The following ZFHX3 variants were observed in gnomAD, a reference collection of about 807,000 sequenced individuals.
ZFHX3 encodes zinc finger homeobox protein 3.
Under a neutral mutation model 279.1 loss-of-function variants are expected in ZFHX3, and 42 were observed. That is an observed-to-expected ratio of 0.15 (90% CI 0.12 to 0.19). The LOEUF (loss-of-function observed/expected upper bound fraction) is 0.19, where lower values mean the gene tolerates loss of function less well. ZFHX3 is among the 10% of genes least tolerant of loss of function. ZFHX3 has a pLI of 1.00. For missense variants in ZFHX3, 4,981 were observed against 4,754.0 expected, an observed-to-expected ratio of 1.05 and a Z score of -1.40; for synonymous variants, 2,293 against 1,957.8, an observed-to-expected ratio of 1.17 and a Z score of -4.52.
chr16:73,076,928 T>C (rs1965892032), intron 8 of ZFHX3, among the ~76,000 whole-genome samples: 1 of 152,120 alleles, frequency 6.6e-6, no homozygotes, highest in Non-Finnish European at 1.5e-5. Flanking sequence ...CTTCCAACCA[T>C]ATCTGAATAA....
intron 2 of ZFHX3, among the ~76,000 whole-genome samples, chr16:73,673,406 TCA>T (rs563599500): frequency 4.8e-4 from 73 of 152,222 alleles, no homozygotes; most frequent in African/African-American, 1.7e-3. Flanking sequence ...AATCATAAAA[TCA>T]CACACAGAGA....
At chr16:72,898,118 G>A (rs2038943486) in intron 3 of ZFHX3, among the ~76,000 whole-genome samples, 1 of 152,150 alleles carries the variant, frequency 6.6e-6, no homozygotes, top group African/African-American at 2.4e-5. Flanking sequence ...ACTCCTGGAA[G>A]GTCAACCTAA....
chr16:73,742,370 T>C (rs112756300), intron 1 of ZFHX3, among the ~76,000 whole-genome samples: 4,488 of 152,270 alleles, frequency 0.029, 235 homozygotes, highest in African/African-American at 0.1. Context: ...TATTAATAGA[T>C]TGGCTATTGT....
intron 2 of ZFHX3, among the ~76,000 whole-genome samples, chr16:73,481,080 C>T (rs1201014936): frequency 1.3e-5 from 2 of 152,054 alleles, no homozygotes; most frequent in African/African-American, 2.4e-5. Context: ...CCTGTAATCC[C>T]AGAACTTTGA....
rs191400330 is a variant in ZFHX3 at position 73,526,523 on chromosome 16, G to A, written c.-1546-70265C>T. Among the ~76,000 whole-genome samples, 27 of 152,218 alleles carry A rather than the reference G, an allele frequency of 1.8e-4. No homozygotes were observed. In the East Asian group the frequency reaches 2.5e-3, roughly 14 times the overall value. Reference sequence around the variant, plus strand: ...AAATACAAAACATAAACCAGGCCTCGTTTCATATTCAAAATGACCCAGGCC... The same window carrying A: ...AAATACAAAACATAAACCAGGCCTCATTTCATATTCAAAATGACCCAGGCC... On this transcript the variant is annotated intron_variant, in intron 2 of 17. Coordinates refer to the ZFHX3 transcript ENST00000641206.
intron 4 of ZFHX3, among the ~76,000 whole-genome samples, chr16:73,305,547 A>G (rs1205276984): frequency 6.6e-6 from 1 of 151,920 alleles, no homozygotes; most frequent in Non-Finnish European, 1.5e-5. Context: ...ACTAACTCAC[A>G]TGTCTTTGCT....
intron 5 of ZFHX3, among the ~76,000 whole-genome samples, chr16:73,246,000 T>C (rs2013269648): frequency 6.6e-6 from 1 of 152,090 alleles, no homozygotes; most frequent in Admixed American, 6.6e-5. Context: ...ACAGAGATTA[T>C]TCCACAGGAC....
Position 73,427,812 on chromosome 16 carries a change from G to A in ZFHX3, c.-1291+28191C>T, listed in dbSNP as rs548462458. On this transcript the variant is annotated intron_variant, in intron 3 of 17. Coordinates refer to the ZFHX3 transcript ENST00000641206. ...ACAAAAATTAGCTGGGCGTGGTGGCGCACGCCTGGAGTCCCAGCTACTCGG... is the reference window on the plus strand; with the variant it reads ...ACAAAAATTAGCTGGGCGTGGTGGCACACGCCTGGAGTCCCAGCTACTCGG... Among the ~76,000 whole-genome samples, 29 of 152,044 alleles carry A rather than the reference G, an allele frequency of 1.9e-4. No individual in the cohort carries two copies. In the South Asian group the frequency reaches 3.3e-3, roughly 17 times the overall value.
chr16:73,257,063 G>T (rs1281035582), exon 5 of ZFHX3: 2 of 152,162 alleles, frequency 1.3e-5, no homozygotes, highest in African/African-American at 4.8e-5. Context: ...CAAATCGAGG[G>T]TGAAGATGAA....
chr16:73,681,080 G>A (rs1439927304), intron 1 of ZFHX3, among the ~76,000 whole-genome samples: 1 of 152,228 alleles, frequency 6.6e-6, no homozygotes, highest in Non-Finnish European at 1.5e-5. Context: ...GTCTGGTCTT[G>A]TGGGAGAGAA....
chr16:72,947,322 C>T (rs1049315928), intron 3 of ZFHX3, among the ~76,000 whole-genome samples: 2 of 152,216 alleles, frequency 1.3e-5, no homozygotes, highest in African/African-American at 4.8e-5. Flanking sequence ...TTCCAGGCAA[C>T]GAAGACAATA....
intron 2 of ZFHX3, among the ~76,000 whole-genome samples, chr16:73,668,540 G>C (rs1230106254): frequency 6.6e-6 from 1 of 151,910 alleles, no homozygotes; most frequent in South Asian, 2.1e-4. Flanking sequence ...CCACTTATAA[G>C]TGAGAACATG....
intron 2 of ZFHX3, among the ~76,000 whole-genome samples, chr16:73,474,991 C>T (rs569579011): frequency 1.3e-5 from 2 of 152,240 alleles, no homozygotes; most frequent in East Asian, 3.9e-4. Flanking sequence ...ATGATGAGGT[C>T]ACTGGGCCAT....
At chr16:73,743,118 G>A (rs759293158) in intron 1 of ZFHX3, among the ~76,000 whole-genome samples, 7 of 152,160 alleles carry the variant, frequency 4.6e-5, no homozygotes, top group African/African-American at 7.2e-5. Flanking sequence ...TATATAAATG[G>A]GATCATATTC....
intron 2 of ZFHX3, among the ~76,000 whole-genome samples, chr16:73,478,325 C>G (rs542940222): frequency 6.7e-6 from 1 of 148,626 alleles, no homozygotes; most frequent in African/African-American, 2.5e-5. Flanking sequence ...CATGCCTGAA[C>G]AGGGACTTGA....
chr16:73,773,677 A>C (rs552516183), intron 1 of ZFHX3, among the ~76,000 whole-genome samples: 45 of 152,356 alleles, frequency 3.0e-4, no homozygotes, highest in Admixed American at 1.8e-3. Flanking sequence ...ACAGTGCAGA[A>C]GTGAACCACG....
intron 1 of ZFHX3, chr16:73,813,827 T>C (rs1280008526): frequency 6.6e-6 from 1 of 152,238 alleles, no homozygotes; most frequent in African/African-American, 2.4e-5. Context: ...ATCATGGCTA[T>C]CAGATGGGTC....
intron 1 of ZFHX3, among the ~76,000 whole-genome samples, chr16:73,738,453 T>G (rs568269960): frequency 8.5e-5 from 13 of 152,330 alleles, no homozygotes; most frequent in African/African-American, 3.1e-4. Context: ...ACTGTGCACA[T>G]TAACATGGCT....
At chr16:73,564,957 A>C (rs1420934884) in intron 2 of ZFHX3, among the ~76,000 whole-genome samples, 1 of 152,182 alleles carries the variant, frequency 6.6e-6, no homozygotes, top group Admixed American at 6.5e-5. Context: ...TCTGAGTAGT[A>C]AGAAACAGTA....
Sources: allele counts gnomAD v4.1 joint callset (sites outside exome capture counted in the v4.1 genomes callset), GRCh38; gene constraint gnomAD v4.1.1; transcripts MANE v1.5; gene names NCBI Gene and HGNC (gene_info 2026-07-23, HGNC 2026-07-21).